Variants in ZDHHC20 observed in about 807,000 individuals in gnomAD.
The protein encoded by ZDHHC20 is zDHHC palmitoyltransferase 20, also known as palmitoyltransferase ZDHHC20.
ZDHHC20 carries 43 observed loss-of-function variants against 57.8 expected under a neutral mutation model. That is an observed-to-expected ratio of 0.74 (90% CI 0.58 to 0.96). The LOEUF is 0.96. Ranked by LOEUF, ZDHHC20 falls within the 40% of genes least tolerant of loss-of-function variation. The pLI is 0.00. For synonymous variants in ZDHHC20, 157 were observed against 153.0 expected, an observed-to-expected ratio of 1.03 and a Z score of -0.19; for missense variants, 391 against 441.1, an observed-to-expected ratio of 0.89 and a Z score of 1.02.
At chr13:21,453,313 C>T (rs1319952650) in intron 1 of ZDHHC20, among the ~76,000 whole-genome samples, 2 of 152,046 alleles carry the variant, frequency 1.3e-5, no homozygotes, top group Admixed American at 6.5e-5. Flanking sequence ...ATGTAAAATA[C>T]GAGGCAAAAA....
chr13:21,415,345 A>G (rs1159280505), intron 3 of ZDHHC20, among the ~76,000 whole-genome samples: 2 of 152,202 alleles, frequency 1.3e-5, no homozygotes, highest in Admixed American at 6.5e-5. Flanking sequence ...ACCTGACTAA[A>G]ACACCATACT....
intron 3 of ZDHHC20, among the ~76,000 whole-genome samples, chr13:21,417,647 C>T (rs1593237812): frequency 6.6e-6 from 1 of 152,254 alleles, no homozygotes; most frequent in Non-Finnish European, 1.5e-5. Flanking sequence ...CCATGTTGGT[C>T]AGGCTGGTCT....
chr13:21,385,549 C>T (rs1051392486), intron 9 of ZDHHC20, among the ~76,000 whole-genome samples: 1 of 152,034 alleles, frequency 6.6e-6, no homozygotes, highest in African/African-American at 2.4e-5. Flanking sequence ...TAGAAATTAA[C>T]CAAAATGAAG....
chr13:21,410,462 T>C (rs1260840733), intron 4 of ZDHHC20, among the ~76,000 whole-genome samples: 1 of 152,222 alleles, frequency 6.6e-6, no homozygotes, highest in Non-Finnish European at 1.5e-5. Flanking sequence ...TGCCTACAGC[T>C]GCCTCTTCCC....
At chr13:21,380,264 T>C (rs1440737373) in intron 11 of ZDHHC20, among the ~76,000 whole-genome samples, 2 of 151,586 alleles carry the variant, frequency 1.3e-5, no homozygotes, top group African/African-American at 2.4e-5. Flanking sequence ...TACAGGCACG[T>C]GCCACCACAC....
At chr13:21,393,931 C>A (rs894999567) in intron 7 of ZDHHC20, among the ~76,000 whole-genome samples, 2 of 152,180 alleles carry the variant, frequency 1.3e-5, no homozygotes, top group Non-Finnish European at 2.9e-5. Context: ...AAACCTCTGA[C>A]TAGTTTCCAA....
intron 9 of ZDHHC20, among the ~76,000 whole-genome samples, chr13:21,386,956 T>A (rs1379889682): frequency 6.6e-6 from 1 of 152,218 alleles, no homozygotes; most frequent in Non-Finnish European, 1.5e-5. Flanking sequence ...AAAAAACCCA[T>A]AACTCTTACA....
chr13:21,400,243 G>A lies in ZDHHC20; in HGVS notation c.594+130C>T, dbSNP rs563030741. The A allele has an allele frequency of 3.0e-5, 26 of 856,572 alleles. No homozygotes were observed. In the African/African-American group the frequency reaches 4.3e-4, roughly 14 times the overall value. 53.1% of individuals were successfully genotyped at this position (856,572 alleles called of 1,614,324 possible). On this transcript the variant is annotated intron_variant, in intron 7 of 12. Transcript: ENST00000400590. ...TAAATTGTAGCCCTATCTGTCCTCTGATGGATTTATAAAACTCTAACTTGT... is the reference window on the plus strand; with the variant it reads ...TAAATTGTAGCCCTATCTGTCCTCTAATGGATTTATAAAACTCTAACTTGT...
At chr13:21,398,331 C>G (rs1877119845) in intron 7 of ZDHHC20, among the ~76,000 whole-genome samples, 1 of 151,898 alleles carries the variant, frequency 6.6e-6, no homozygotes, top group Admixed American at 6.6e-5. Context: ...GGGCGAGGTG[C>G]CGGGTGCCTG....
intron 4 of ZDHHC20, among the ~76,000 whole-genome samples, chr13:21,405,302 G>T (rs777988770): frequency 1.3e-5 from 2 of 151,974 alleles, no homozygotes; most frequent in Non-Finnish European, 2.9e-5. Context: ...ATATGATACA[G>T]AGGCAATAAA....
At chr13:21,386,435 T>TAGTCTTAAA (rs71093306) in intron 9 of ZDHHC20, among the ~76,000 whole-genome samples, 21 of 152,366 alleles carry the variant, frequency 1.4e-4, no homozygotes, top group Non-Finnish European at 2.8e-4. Context: ...GAAGTAGTGA[T>TAGTCTTAAA]AGTCTTAAAA....
intron 1 of ZDHHC20, among the ~76,000 whole-genome samples, chr13:21,428,920 C>T (rs759388096): frequency 6.6e-6 from 1 of 151,946 alleles, no homozygotes; most frequent in Non-Finnish European, 1.5e-5. Context: ...CCAACAACAA[C>T]AAAAATTATT....
At chr13:21,376,892 C>T (rs1872180650) in intron 12 of ZDHHC20, 2 of 269,636 alleles carry the variant, frequency 7.4e-6, no homozygotes, top group South Asian at 8.1e-5. Context: ...TCTTACAGTA[C>T]TCCCAGACTG....
rs966639880 is a variant in ZDHHC20, at chr13:21,429,916, T to C, written c.119-4238A>G. On this transcript the variant is annotated intron_variant, in intron 1 of 12. Transcript: ENST00000400590. ...AGTTGACTTTTTAAAATTTTGGCTA[T>C]TGTATTTTCAGTTTAAAAATCTCCA... Among the ~76,000 whole-genome samples the C allele has an allele frequency of 2.0e-5, 3 of 152,224 alleles. No individual in the cohort carries two copies. The East Asian group carries it at 5.8e-4, about 29-fold the overall frequency.
chr13:21,375,290 G>C lies in ZDHHC20; in HGVS notation c.*1406C>G. 2.5e-6 allele frequency: 1 copy of C among 399,522 alleles called. No homozygotes were observed. The highest frequency in any genetic ancestry group is 4.9e-6 in the Non-Finnish European group (1 of 202,212). 24.7% of individuals were successfully genotyped at this position (399,522 alleles called of 1,614,324 possible). A position where few individuals can be genotyped will look rare whatever the true frequency, so the allele number is the denominator to read the frequency against. On this transcript the variant is annotated 3_prime_UTR_variant, in exon 13 of 13. Transcript: ENST00000400590. ...GAAGCTCCAACCTGTAGTACTCACAGATGCTGCTGAGATTCATCTCCACCC... is the reference window on the plus strand; with the variant it reads ...GAAGCTCCAACCTGTAGTACTCACACATGCTGCTGAGATTCATCTCCACCC...
At position 21,413,705 on chromosome 13, in the gene ZDHHC20, AT is replaced by A; in HGVS notation, c.316del (p.Ile106PhefsTer2). Reference sequence around the variant, plus strand: ...TAAAGCTCTTGCTGCTCTTCTCAAAATTTCTTGTTGTCTTTCTTGGCTGAAT... The same window carrying A: ...TAAAGCTCTTGCTGCTCTTCTCAAAATTCTTGTTGTCTTTCTTGGCTGAAT... ...KEFSQERQQE[I>X]LRRAARALPI... On this transcript the variant is annotated frameshift_variant, in exon 4 of 13. Coordinates refer to ENST00000400590, the MANE Select transcript of ZDHHC20 (RefSeq NM_001330059.2). LOFTEE classifies it high-confidence loss of function. The A allele has an allele frequency of 6.2e-7, 1 of 1,611,784 alleles. No individual in the cohort carries two copies. The highest frequency in any genetic ancestry group is 1.3e-5 in the African/African-American group (1 of 74,998).
intron 2 of ZDHHC20, 91 bp from the exon 3 acceptor site, chr13:21,421,255 C>A: frequency 1.1e-6 from 1 of 887,420 alleles, no homozygotes; most frequent in South Asian, 1.5e-5. Flanking sequence ...GTCAGGAGGC[C>A]GAATCCAATA....
chr13:21,381,399 C>T lies in ZDHHC20; in HGVS notation c.1060+35G>A, dbSNP rs775577110. 5 of 1,476,044 alleles carry T rather than the reference C, an allele frequency of 3.4e-6. No individual in the cohort carries two copies. The South Asian group carries it at 5.8e-5, about 17-fold the overall frequency. The allele number at this position is 1,476,044 out of a possible 1,614,324, so 91.4% of individuals were successfully genotyped here. ...TTATATCTGGTGCTTTTCATTTGAA[C>T]CAGACAAAGCAGTGTTTCAAATGAG... On this transcript the variant is annotated intron_variant, in intron 11 of 12. Coordinates refer to ENST00000400590, the MANE Select transcript of ZDHHC20 (RefSeq NM_001330059.2).
intron 4 of ZDHHC20, among the ~76,000 whole-genome samples, chr13:21,405,916 A>G (rs913265365): frequency 2.0e-5 from 3 of 152,230 alleles, no homozygotes. Flanking sequence ...GCAGGATCTG[A>G]ACTCAGAACA....
Sources: allele counts gnomAD v4.1 joint callset (sites outside exome capture counted in the v4.1 genomes callset), GRCh38; gene constraint gnomAD v4.1.1; transcripts MANE v1.5; gene names NCBI Gene and HGNC (gene_info 2026-07-23, HGNC 2026-07-21).